Variants in GPC3 observed in about 807,000 individuals in gnomAD.
The protein encoded by GPC3 is glypican 3.
GPC3 carries 3 observed loss-of-function variants against 34.4 expected under a neutral mutation model. The observed-to-expected ratio is 0.09, with a 90% CI of 0.04 to 0.23. The LOEUF is 0.23. Among genes scored for constraint, GPC3 ranks in the 10% least tolerant of loss-of-function variants. The pLI is 1.00. For missense variants in GPC3, 351 were observed against 445.6 expected (o/e 0.79, Z 1.91); for synonymous variants, 177 against 174.0 (o/e 1.02, Z -0.13).
At chrX:133,574,023 G>A (rs2069654577) in intron 7 of GPC3, among the ~76,000 whole-genome samples, 1 of 112,232 alleles carries the variant, frequency 8.9e-6, no homozygotes, top group Non-Finnish European at 1.9e-5. Context: ...ATTTCAACAT[G>A]GGTCCATCTT....
At chrX:133,646,086 A>G (rs1249029224) in intron 6 of GPC3, among the ~76,000 whole-genome samples, 5 of 106,583 alleles carry the variant, frequency 4.7e-5, no homozygotes, top group African/African-American at 1.8e-4. Flanking sequence ...ACAAAGACAA[A>G]AAAAAAAAAA....
intron 2 of GPC3, among the ~76,000 whole-genome samples, chrX:133,944,563 C>A (rs186824945): frequency 9.0e-6 from 1 of 111,569 alleles, no homozygotes; most frequent in African/African-American, 3.3e-5. Context: ...TATACACATA[C>A]ACACAGAAAG....
chrX:133,930,895 CA>C (rs1005469332), intron 2 of GPC3, among the ~76,000 whole-genome samples: 2 of 112,404 alleles, frequency 1.8e-5, no homozygotes, highest in African/African-American at 6.5e-5. Flanking sequence ...CTCAGCCTCC[CA>C]AAGTGCTGGG....
intron 2 of GPC3, among the ~76,000 whole-genome samples, chrX:133,820,224 T>C (rs1296989301): frequency 1.8e-5 from 2 of 112,068 alleles, no homozygotes; most frequent in Admixed American, 9.5e-5. Flanking sequence ...GTTCCAACCC[T>C]AAGGACAAGA....
intron 3 of GPC3, among the ~76,000 whole-genome samples, chrX:133,723,324 A>C (rs1304592042): frequency 1.8e-5 from 2 of 112,146 alleles, no homozygotes; most frequent in Non-Finnish European, 3.8e-5. Context: ...AGGGACTTGC[A>C]CATGGCCTGC....
intron 1 of GPC3, among the ~76,000 whole-genome samples, chrX:133,969,342 C>T (rs996032697): frequency 1.8e-5 from 2 of 112,012 alleles, no homozygotes; most frequent in African/African-American, 6.5e-5. Flanking sequence ...AGCGTCATTA[C>T]TTCTATTTAG....
chrX:133,596,293 A>C, intron 7 of GPC3, 147 bp downstream of exon 7: 1 of 550,690 alleles, frequency 1.8e-6, no homozygotes, highest in Non-Finnish European at 3.1e-6. Flanking sequence ...TTCACTTTCT[A>C]GAGCTTGTAT....
intron 7 of GPC3, among the ~76,000 whole-genome samples, chrX:133,554,378 A>T (rs2069466677): frequency 9.2e-6 from 1 of 108,933 alleles, no homozygotes; most frequent in Non-Finnish European, 1.9e-5. Context: ...CAGTGATGCA[A>T]TCATGGCTCA....
chrX:133,851,773 T>C (rs191179760), intron 2 of GPC3, among the ~76,000 whole-genome samples: 40 of 112,286 alleles, frequency 3.6e-4, no homozygotes, highest in African/African-American at 1.2e-3. Flanking sequence ...TCATTGTTTC[T>C]ACTGTAATCC....
intron 2 of GPC3, among the ~76,000 whole-genome samples, chrX:133,789,566 A>G (rs1189090735): frequency 9.0e-6 from 1 of 111,598 alleles, no homozygotes; most frequent in Non-Finnish European, 1.9e-5. Flanking sequence ...TCTCCAGGGG[A>G]CACCTGTCAC....
At chrX:133,787,396 T>A (rs975751444) in intron 2 of GPC3, among the ~76,000 whole-genome samples, 3 of 112,589 alleles carry the variant, frequency 2.7e-5, no homozygotes, top group Non-Finnish European at 5.6e-5. Context: ...TATGAAGCAA[T>A]GATTAACTTT....
At chrX:133,918,107 A>T (rs976304563) in intron 2 of GPC3, among the ~76,000 whole-genome samples, 42 of 112,478 alleles carry the variant, frequency 3.7e-4, no homozygotes, top group East Asian at 8.3e-4. Context: ...ATATCTTTTT[A>T]AAAAAATCAT....
At chrX:133,865,000 C>T (rs924895954) in intron 2 of GPC3, among the ~76,000 whole-genome samples, 4 of 112,266 alleles carry the variant, frequency 3.6e-5, no homozygotes, top group African/African-American at 1.3e-4. Flanking sequence ...TATAAACTTC[C>T]TCTTAGACAC....
intron 2 of GPC3, among the ~76,000 whole-genome samples, chrX:133,756,930 A>G (rs1482986294): frequency 1.8e-5 from 2 of 112,383 alleles, no homozygotes; most frequent in Non-Finnish European, 3.8e-5. Flanking sequence ...GCGAAAAGCA[A>G]TGCTCAGCTT....
rs2071154051 is a variant in GPC3, at chrX:133,700,108, T to C, written c.1033-80A>G. On this transcript the variant is annotated intron_variant, in intron 3 of 7. Transcript: ENST00000370818. ...AAACAAATTCTGAAAGGCACTTCAA[T>C]TTCTTCCCCCAATTTTAAATAGCAG... 5.3e-6 allele frequency: 4 copies of C among 752,311 alleles called. No homozygotes were observed. The Admixed American group carries it at 7.1e-5, about 13-fold the overall frequency. The allele number at this position is 752,311 out of a possible 1,213,427, so 62.0% of individuals were successfully genotyped here.
chrX:133,596,408 A>C, intron 7 of GPC3, 32 bp downstream of exon 7: 1 of 1,171,033 alleles, frequency 8.5e-7, no homozygotes, highest in South Asian at 1.8e-5. Context: ...CACCATTTTT[A>C]GATTACATTT....
intron 2 of GPC3, among the ~76,000 whole-genome samples, chrX:133,841,849 AAAAG>A (rs1452569753): frequency 4.5e-5 from 5 of 111,990 alleles, no homozygotes; most frequent in African/African-American, 1.6e-4. Flanking sequence ...GAGAAATGTG[AAAAG>A]AGAGATGGGC....
At chrX:133,872,495 AAAGC>A (rs2124576644) in intron 2 of GPC3, among the ~76,000 whole-genome samples, 2 of 111,505 alleles carry the variant, frequency 1.8e-5, no homozygotes, top group African/African-American at 6.5e-5. Flanking sequence ...GGTAAGGGAG[AAAGC>A]AACTCAAATA....
intron 5 of GPC3, among the ~76,000 whole-genome samples, chrX:133,686,143 T>C (rs1364286282): frequency 9.0e-6 from 1 of 111,710 alleles, no homozygotes; most frequent in Non-Finnish European, 1.9e-5. Flanking sequence ...GTGCTAATTG[T>C]AGGAGAGGCC....
Sources: gnomAD v4.1 joint callset for allele counts (sites outside exome capture counted in the v4.1 genomes callset) on GRCh38, gnomAD v4.1.1 for gene constraint, MANE v1.5 for transcripts, NCBI Gene and HGNC (gene_info 2026-07-23, HGNC 2026-07-21) for gene names.